The following SEMA3E variants were observed in gnomAD, a reference collection of about 807,000 sequenced individuals.
The protein encoded by SEMA3E is semaphorin 3E, also known as semaphorin-3E.
Under a neutral mutation model 93.6 loss-of-function variants are expected in SEMA3E, and 49 were observed. The observed-to-expected ratio is 0.52, with a 90% CI of 0.42 to 0.66. The LOEUF is 0.66. Among genes scored for constraint, SEMA3E ranks in the 30% least tolerant of loss-of-function variants. SEMA3E has a pLI of 0.00. For missense variants in SEMA3E, 906 were observed against 964.8 expected (o/e 0.94, Z 0.81); for synonymous variants, 363 against 330.7 (o/e 1.10, Z -1.06).
At chr7:83,424,157 AAC>A in intron 4 of SEMA3E, among the ~76,000 whole-genome samples, 1 of 152,280 alleles carries the variant, frequency 6.6e-6, no homozygotes, top group Non-Finnish European at 1.5e-5. Context: ...GGAGTCAAAT[AAC>A]ACAAAAAGGG....
intron 4 of SEMA3E, among the ~76,000 whole-genome samples, chr7:83,441,507 A>G (rs999196466): frequency 6.6e-6 from 1 of 152,210 alleles, no homozygotes; most frequent in Non-Finnish European, 1.5e-5. Context: ...AAAAAGAAAG[A>G]TATGGTGATG....
chr7:83,563,683 G>A (rs1487475808), intron 1 of SEMA3E, among the ~76,000 whole-genome samples: 1 of 151,998 alleles, frequency 6.6e-6, no homozygotes, highest in Admixed American at 6.6e-5. Context: ...TATTCCACCT[G>A]CCTCCTAGAA....
At chr7:83,391,667 T>C (rs1788021201) in intron 14 of SEMA3E, among the ~76,000 whole-genome samples, 1 of 152,118 alleles carries the variant, frequency 6.6e-6, no homozygotes, top group Non-Finnish European at 1.5e-5. Context: ...TTTGAATTAG[T>C]GAAGTTTTAA....
At chr7:83,453,084 G>C (rs1789397666) in intron 4 of SEMA3E, among the ~76,000 whole-genome samples, 1 of 152,094 alleles carries the variant, frequency 6.6e-6, no homozygotes, top group African/African-American at 2.4e-5. Flanking sequence ...CTAGAATGCA[G>C]TGGCGCAATC....
At chr7:83,506,015 C>CA (rs57051446) in intron 1 of SEMA3E, among the ~76,000 whole-genome samples, 6,335 of 87,098 alleles carry the variant, frequency 0.073, 426 homozygotes, top group East Asian at 0.18. Context: ...ACTCCGTCTC[C>CA]AAAAAAAAAA....
At chr7:83,475,512 G>C (rs1044940257) in intron 2 of SEMA3E, among the ~76,000 whole-genome samples, 2 of 152,142 alleles carry the variant, frequency 1.3e-5, no homozygotes, top group African/African-American at 4.8e-5. Flanking sequence ...ATAAGATTGG[G>C]AGTTTCCTAA....
At chr7:83,562,668 G>A (rs1259537300) in intron 1 of SEMA3E, among the ~76,000 whole-genome samples, 1 of 151,982 alleles carries the variant, frequency 6.6e-6, no homozygotes, top group Non-Finnish European at 1.5e-5. Context: ...TGTGGCAGAG[G>A]AAATTTGGTT....
rs1377826917 is a variant in SEMA3E at position 83,363,891 on chromosome 7, T to C, written c.*3695A>G. On this transcript the variant is annotated 3_prime_UTR_variant, in exon 17 of 17. Coordinates refer to ENST00000643230, the MANE Select transcript of SEMA3E (RefSeq NM_012431.3). ...TTTTTTTTTTTTTTTTTTTTTTTTT[T>C]TTTTTTTTTTTTTTGAGACGGAGTC... 6 of 48,568 alleles carry C rather than the reference T, an allele frequency of 1.2e-4. No individual in the cohort carries two copies. Among genetic ancestry groups the C allele is most frequent in the African/African-American group, 3.9e-4 (6 of 15,578 alleles). The allele number at this position is 48,568 out of a possible 1,614,324, so 3.0% of individuals were successfully genotyped here.
At chr7:83,509,845 A>G (rs1790780567) in intron 1 of SEMA3E, among the ~76,000 whole-genome samples, 1 of 152,200 alleles carries the variant, frequency 6.6e-6, no homozygotes, top group Non-Finnish European at 1.5e-5. Flanking sequence ...CAGCTATTAG[A>G]TAAGGTACAT....
chr7:83,639,767 G>C (rs1456086872), intron 1 of SEMA3E, among the ~76,000 whole-genome samples: 1 of 150,894 alleles, frequency 6.6e-6, no homozygotes, highest in Admixed American at 6.6e-5. Context: ...GAATAAGACA[G>C]CATCAAATAA....
At chr7:83,485,720 A>C (rs1345105356) in intron 2 of SEMA3E, among the ~76,000 whole-genome samples, 1 of 152,132 alleles carries the variant, frequency 6.6e-6, no homozygotes, top group Admixed American at 6.6e-5. Flanking sequence ...AAAACAAGAA[A>C]GGGTAGTAGG....
intron 1 of SEMA3E, among the ~76,000 whole-genome samples, chr7:83,517,344 T>C (rs3801522): frequency 0.076 from 11,631 of 152,176 alleles, 553 homozygotes; most frequent in South Asian, 0.2. Context: ...TTGGAGAGAT[T>C]TGTACTAAAA....
chr7:83,430,230 C>T (rs915302687), intron 4 of SEMA3E, among the ~76,000 whole-genome samples: 3 of 151,918 alleles, frequency 2.0e-5, no homozygotes, highest in Admixed American at 6.6e-5. Context: ...TTTGGGAAGC[C>T]GAGGCGGGTG....
At chr7:83,479,810 G>T (rs1055974769) in intron 2 of SEMA3E, among the ~76,000 whole-genome samples, 13 of 152,106 alleles carry the variant, frequency 8.5e-5, no homozygotes, top group Non-Finnish European at 1.6e-4. Flanking sequence ...TTACACTCTG[G>T]TCTCTGCTCT....
Position 83,392,685 on chromosome 7 carries a change from G to A in SEMA3E, c.1537C>T (p.Gln513Ter). The A allele has an allele frequency of 6.2e-7, 1 of 1,613,854 alleles. No individual in the cohort carries two copies. The highest frequency in any genetic ancestry group is 8.5e-7 in the Non-Finnish European group (1 of 1,179,882). ...ATGTCACAGTGATGGAATCTGACTT[G>A]AGCCACAGCAGAAGCAGATCCAATA... ...LYIGSASAVA[Q>*]VRFHHCDMYG... Residue 513 changes from glutamine (Q) to a stop codon, truncating the protein, a stop_gained, in exon 14 of 17, where the codon CAA (glutamine) becomes TAA (stop). Coordinates refer to ENST00000643230, the MANE Select transcript of SEMA3E (RefSeq NM_012431.3). LOFTEE classifies it high-confidence loss of function.
At chr7:83,458,395 G>A (rs1320322565) in intron 4 of SEMA3E, among the ~76,000 whole-genome samples, 1 of 151,814 alleles carries the variant, frequency 6.6e-6, no homozygotes, top group Non-Finnish European at 1.5e-5. Flanking sequence ...GATCAATTAA[G>A]AATAGACAAA....
At chr7:83,588,660 C>A (rs529863190) in intron 1 of SEMA3E, among the ~76,000 whole-genome samples, 7 of 152,208 alleles carry the variant, frequency 4.6e-5, no homozygotes, top group East Asian at 1.9e-4. Flanking sequence ...AGTGTTTGAA[C>A]CTTTTTCCTC....
intron 1 of SEMA3E, among the ~76,000 whole-genome samples, chr7:83,641,860 G>T (rs1794016004): frequency 1.3e-5 from 2 of 152,136 alleles, no homozygotes; most frequent in Non-Finnish European, 2.9e-5. Flanking sequence ...CTTCCTAAGG[G>T]TTAAGTATTC....
chr7:83,463,714 C>T (rs1221236855), intron 4 of SEMA3E, among the ~76,000 whole-genome samples: 1 of 152,166 alleles, frequency 6.6e-6, no homozygotes, highest in Non-Finnish European at 1.5e-5. Flanking sequence ...GTACAAGCCA[C>T]TAGCCCGCCT....
Sources: allele counts gnomAD v4.1 joint callset (sites outside exome capture counted in the v4.1 genomes callset), GRCh38; gene constraint gnomAD v4.1.1; transcripts MANE v1.5; gene names NCBI Gene and HGNC (gene_info 2026-07-23, HGNC 2026-07-21).